The following KLF12 variants were observed in gnomAD, a reference collection of about 807,000 sequenced individuals.
KLF12 encodes the protein Krueppel-like factor 12.
KLF12 carries 9 observed loss-of-function variants against 37.8 expected under a neutral mutation model. That is an observed-to-expected ratio of 0.24 (90% CI 0.14 to 0.42). The LOEUF (loss-of-function observed/expected upper bound fraction) is 0.42. Ranked by LOEUF, KLF12 falls within the 10% of genes least tolerant of loss-of-function variation. The probability of loss-of-function intolerance (pLI) is 1.00; values close to 1 mark genes in which losing one functional copy is unlikely to be tolerated. For missense variants in KLF12, 411 were observed against 516.0 expected, an observed-to-expected ratio of 0.80 and a Z score of 1.97; for synonymous variants, 208 against 202.1, an observed-to-expected ratio of 1.03 and a Z score of -0.25.
chr13:73,764,893 T>G, intron 6 of KLF12, 45 bp downstream of exon 6: 1 of 1,115,578 alleles, frequency 9.0e-7, no homozygotes, highest in Non-Finnish European at 1.3e-6. Flanking sequence ...CCTATTAAAG[T>G]TTCCCGTAAG....
the KLF12 span, chr13:74,258,161 T>TGTGTGTG: frequency 7.5e-6 from 1 of 133,836 alleles, no homozygotes; most frequent in Non-Finnish European, 1.6e-5. Context: ...ATTACTGTGT[T>TGTGTGTG]TGTGTGTGTG....
At chr13:73,817,318 C>CAAAAAAAAAAAAA (rs749318816) in intron 4 of KLF12, among the ~76,000 whole-genome samples, 4 of 52,206 alleles carry the variant, frequency 7.7e-5, no homozygotes, top group African/African-American at 2.1e-4. Flanking sequence ...GATCCTGTTT[C>CAAAAAAAAAAAAA]AAAAAAAAAA....
At chr13:74,190,929 T>C in the KLF12 span, among the ~76,000 whole-genome samples, 3 of 152,196 alleles carry the variant, frequency 2.0e-5, no homozygotes, top group African/African-American at 7.2e-5. Context: ...AAGACCTTTT[T>C]TTCCACTTAT....
chr13:74,227,237 C>T, the KLF12 span, among the ~76,000 whole-genome samples: 1 of 152,144 alleles, frequency 6.6e-6, no homozygotes, highest in African/African-American at 2.4e-5. Context: ...TCACAATCCT[C>T]TTAATCTCAA....
At chr13:73,776,656 T>A (rs937955250) in intron 5 of KLF12, among the ~76,000 whole-genome samples, 1 of 152,232 alleles carries the variant, frequency 6.6e-6, no homozygotes, top group African/African-American at 2.4e-5. Flanking sequence ...GTGTTTGGTT[T>A]CCACTGCTTC....
chr13:74,239,191 G>A, the KLF12 span, among the ~76,000 whole-genome samples: 5,145 of 150,430 alleles, frequency 0.034, 114 homozygotes, highest in Middle Eastern at 0.071. Context: ...CCTTCATTTC[G>A]TTATGTACCC....
chr13:73,894,925 T>C (rs1173586226), intron 3 of KLF12, among the ~76,000 whole-genome samples: 1 of 152,246 alleles, frequency 6.6e-6, no homozygotes, highest in Non-Finnish European at 1.5e-5. Context: ...TAGTTCTTAT[T>C]TATCAACGGA....
intron 1 of KLF12, among the ~76,000 whole-genome samples, chr13:74,098,623 G>A (rs142631666): frequency 4.6e-5 from 7 of 152,266 alleles, no homozygotes; most frequent in African/African-American, 1.7e-4. Flanking sequence ...ATATTGAATG[G>A]CTATATCAAA....
At chr13:74,010,337 C>A (rs1420503086) in intron 1 of KLF12, among the ~76,000 whole-genome samples, 1 of 152,196 alleles carries the variant, frequency 6.6e-6, no homozygotes, top group East Asian at 1.9e-4. Flanking sequence ...TACTGGAAAG[C>A]AACTCCCCCA....
At chr13:74,209,701 T>A in the KLF12 span, among the ~76,000 whole-genome samples, 3 of 152,318 alleles carry the variant, frequency 2.0e-5, no homozygotes, top group South Asian at 6.2e-4. Flanking sequence ...ATAACAAATG[T>A]AAGGATAGAT....
At chr13:73,856,814 C>T (rs1037637242) in intron 3 of KLF12, among the ~76,000 whole-genome samples, 1 of 151,866 alleles carries the variant, frequency 6.6e-6, no homozygotes, top group African/African-American at 2.4e-5. Flanking sequence ...CATGGTGAAA[C>T]CGTCTCTACT....
chr13:74,073,889 G>T (rs1050056908), intron 1 of KLF12, among the ~76,000 whole-genome samples: 1 of 152,140 alleles, frequency 6.6e-6, no homozygotes, highest in African/African-American at 2.4e-5. Context: ...ATTTAATAAT[G>T]CCAATAGTAA....
At chr13:73,972,514 G>A (rs1172638320) in intron 2 of KLF12, among the ~76,000 whole-genome samples, 2 of 150,662 alleles carry the variant, frequency 1.3e-5, no homozygotes, top group Non-Finnish European at 2.9e-5. Context: ...AACACCAATT[G>A]CATTTAAACA....
the KLF12 span, among the ~76,000 whole-genome samples, chr13:74,297,556 C>T: frequency 6.6e-6 from 1 of 152,186 alleles, no homozygotes; most frequent in African/African-American, 2.4e-5. Context: ...ATTTTGCCCC[C>T]TGGGCTTTTG....
At chr13:73,746,344 T>G (rs1878369440) in intron 6 of KLF12, among the ~76,000 whole-genome samples, 1 of 152,206 alleles carries the variant, frequency 6.6e-6, no homozygotes, top group South Asian at 2.1e-4. Flanking sequence ...TGGTGAGGAA[T>G]AGAAAGACCA....
chr13:73,719,004 C>T (rs1322520268), intron 6 of KLF12, among the ~76,000 whole-genome samples: 2 of 152,152 alleles, frequency 1.3e-5, no homozygotes, highest in Non-Finnish European at 2.9e-5. Context: ...ATAGTTGTAC[C>T]CAGTAAAGCT....
intron 1 of KLF12, among the ~76,000 whole-genome samples, chr13:74,011,680 T>A (rs190592341): frequency 6.6e-6 from 1 of 152,310 alleles, no homozygotes; most frequent in East Asian, 1.9e-4. Flanking sequence ...GGCATTGTGT[T>A]GTGAATTTTA....
intron 5 of KLF12, among the ~76,000 whole-genome samples, chr13:73,793,256 C>T (rs1328667513): frequency 1.3e-5 from 2 of 152,106 alleles, no homozygotes; most frequent in East Asian, 1.9e-4. Context: ...GATGTGTGTG[C>T]GGTCTGCCCC....
chr13:74,072,603 C>A (rs1874336591), intron 1 of KLF12, among the ~76,000 whole-genome samples: 1 of 151,634 alleles, frequency 6.6e-6, no homozygotes, highest in Non-Finnish European at 1.5e-5. Flanking sequence ...GGTGTGGTGG[C>A]ACATGCCTAT....
Sources: gnomAD v4.1 joint callset for allele counts (sites outside exome capture counted in the v4.1 genomes callset) on GRCh38, gnomAD v4.1.1 for gene constraint, MANE v1.5 for transcripts, NCBI Gene and HGNC (gene_info 2026-07-23, HGNC 2026-07-21) for gene names.